LARS2: variants seen among roughly 807,000 people sequenced by gnomAD.
The protein encoded by LARS2 is leucyl-tRNA synthetase 2, mitochondrial.
In LARS2, 81 loss-of-function variants were observed where a neutral mutation model predicts 116.6. The observed-to-expected ratio is 0.69, with a 90% confidence interval of 0.58 to 0.84. The LOEUF is 0.84. Among genes scored for constraint, LARS2 ranks in the 40% least tolerant of loss-of-function variants. LARS2 has a pLI of 0.00. For missense variants in LARS2, 968 were observed against 1,114.5 expected, an observed-to-expected ratio of 0.87 and a Z score of 1.87; for synonymous variants, 396 against 407.2, an observed-to-expected ratio of 0.97 and a Z score of 0.33.
intron 18 of LARS2, 71 bp from the exon 19 acceptor site, chr3:45,520,146 TGA>T: frequency 1.9e-6 from 2 of 1,048,582 alleles, no homozygotes; most frequent in Non-Finnish European, 3.0e-6. Context: ...TTTTTTGTTT[TGA>T]TAATTCAGTC....
intron 4 of LARS2, among the ~76,000 whole-genome samples, chr3:45,416,043 T>C (rs181037682): frequency 1.6e-4 from 24 of 152,046 alleles, no homozygotes; most frequent in Admixed American, 6.5e-4. Context: ...GTATTTTTCT[T>C]AGTTTTCATC....
chr3:45,500,298 G>A (rs1048491406), intron 14 of LARS2, 144 bp from the exon 15 acceptor site: 13 of 850,230 alleles, frequency 1.5e-5, no homozygotes, highest in East Asian at 6.4e-5. Context: ...CACCGCGCCC[G>A]GCCTTCTCTT....
intron 1 of LARS2, among the ~76,000 whole-genome samples, chr3:45,390,135 T>A (rs1697914272): frequency 6.6e-6 from 1 of 152,174 alleles, no homozygotes; most frequent in African/African-American, 2.4e-5. Flanking sequence ...AGCAGTTGTT[T>A]AAAAAATGCA....
intron 7 of LARS2, among the ~76,000 whole-genome samples, chr3:45,452,746 G>C (rs1422846253): frequency 6.6e-6 from 1 of 152,160 alleles, no homozygotes; most frequent in East Asian, 1.9e-4. Flanking sequence ...AGTTTGAGAA[G>C]AATGGGTATT....
In LARS2 at chr3:45,524,032, G is replaced by T; in HGVS notation, c.2328G>T (p.Glu776Asp). Residue 776 changes from glutamate to aspartate, a missense_variant, in exon 20 of 22, where the codon GAG becomes GAT. Glu to Asp is a conservative substitution (Grantham distance 45, BLOSUM62 2). Transcript: ENST00000645846. ...AGAGCGTCATTCTCCACAGCCCCGA[G>T]TTTGAGGATGCTTTGTGTGCCCTGA... ...ASQSVILHSP[E>D]FEDALCALMV... 6.2e-7 allele frequency: 1 copy of T among 1,614,002 alleles called. No individual in the cohort carries two copies. The highest frequency in any genetic ancestry group is 1.1e-5 in the South Asian group (1 of 91,080).
chr3:45,545,326 AG>A (rs1420864073), intron 21 of LARS2, among the ~76,000 whole-genome samples: 2 of 152,226 alleles, frequency 1.3e-5, no homozygotes, highest in African/African-American at 4.8e-5. Context: ...CCTGTCCGGC[AG>A]GTGTCAGAAA....
chr3:45,492,677 C>T (rs1699943121), intron 13 of LARS2, among the ~76,000 whole-genome samples: 1 of 152,190 alleles, frequency 6.6e-6, no homozygotes, highest in South Asian at 2.1e-4. Flanking sequence ...TGAAATCCCT[C>T]ATCAGGAACA....
At chr3:45,546,669 G>C (rs374818577) in intron 21 of LARS2, among the ~76,000 whole-genome samples, 4 of 131,772 alleles carry the variant, frequency 3.0e-5, no homozygotes, top group Non-Finnish European at 6.7e-5. Flanking sequence ...TGAGGATTTG[G>C]AAGCATGACT....
At chr3:45,543,862 C>G (rs1700834895) in intron 21 of LARS2, among the ~76,000 whole-genome samples, 1 of 152,182 alleles carries the variant, frequency 6.6e-6, no homozygotes, top group Admixed American at 6.5e-5. Flanking sequence ...GAAATGCTAA[C>G]TTAAGAAAAA....
chr3:45,455,728 A>T (rs1161861371), intron 7 of LARS2, among the ~76,000 whole-genome samples: 1 of 152,124 alleles, frequency 6.6e-6, no homozygotes, highest in Non-Finnish European at 1.5e-5. Context: ...AGTAGCCAAG[A>T]TATGGAATCA....
intron 8 of LARS2, among the ~76,000 whole-genome samples, chr3:45,463,390 TTA>T (rs1699367610): frequency 6.6e-6 from 1 of 152,188 alleles, no homozygotes; most frequent in Non-Finnish European, 1.5e-5. Flanking sequence ...AAATTGGTGG[TTA>T]TGTTTTCAGG....
intron 15 of LARS2, among the ~76,000 whole-genome samples, chr3:45,511,639 TAGTC>T (rs1160797438): frequency 6.6e-6 from 1 of 152,032 alleles, no homozygotes; most frequent in Non-Finnish European, 1.5e-5. Context: ...CAGCTGGGGT[TAGTC>T]AGTTTTTCGC....
At chr3:45,528,331 T>C (rs751474237) in intron 20 of LARS2, among the ~76,000 whole-genome samples, 1 of 152,216 alleles carries the variant, frequency 6.6e-6, no homozygotes, top group Non-Finnish European at 1.5e-5. Flanking sequence ...AGCAAGAGCC[T>C]GTCTCACAAA....
At chr3:45,458,701 G>C (rs1340318333) in intron 7 of LARS2, 42 bp from the exon 8 acceptor site, 1 of 1,600,334 alleles carries the variant, frequency 6.2e-7, no homozygotes, top group Non-Finnish European at 8.5e-7. Context: ...AAAAAAAAGA[G>C]TACTCACCAG....
rs140589843 is a variant in LARS2 at position 45,400,266 on chromosome 3, G to A, written c.256G>A (p.Val86Met). 12 of 1,612,138 alleles carry A rather than the reference G, an allele frequency of 7.4e-6. No homozygotes were observed. The highest frequency in any genetic ancestry group is 5.0e-5 in the Admixed American group (3 of 59,496). ...CTAGAAATCGAAGCCAAAATTTTAC[G>A]TGCTTTCCATGTTCCCTTATCCTTC... ...EADKSKPKFY[V>M]LSMFPYPSGK... Residue 86 changes from valine (V) to methionine (M), a missense_variant, in exon 4 of 22, where the codon GTG (valine) becomes ATG (methionine). By Grantham distance (21) the Val-to-Met change is conservative (BLOSUM62 1). Coordinates refer to ENST00000645846, the MANE Select transcript of LARS2 (RefSeq NM_015340.4).
chr3:45,469,942 C>G (rs1699493098), intron 8 of LARS2, among the ~76,000 whole-genome samples: 1 of 152,094 alleles, frequency 6.6e-6, no homozygotes, highest in Non-Finnish European at 1.5e-5. Flanking sequence ...AAGTGTCAAG[C>G]TTTTAAAAAG....
At chr3:45,511,519 T>A (rs1249201537) in intron 15 of LARS2, among the ~76,000 whole-genome samples, 2 of 152,154 alleles carry the variant, frequency 1.3e-5, no homozygotes, top group African/African-American at 4.8e-5. Flanking sequence ...AGATTCATCA[T>A]TATACCGCTA....
intron 7 of LARS2, among the ~76,000 whole-genome samples, chr3:45,452,406 G>A (rs1699149049): frequency 6.6e-6 from 1 of 151,682 alleles, no homozygotes; most frequent in East Asian, 1.9e-4. Context: ...TATCATGAAG[G>A]ATGTTGAATT....
At chr3:45,413,713 A>C (rs1259989337) in intron 4 of LARS2, among the ~76,000 whole-genome samples, 2 of 152,252 alleles carry the variant, frequency 1.3e-5, no homozygotes, top group African/African-American at 4.8e-5. Flanking sequence ...CAACTTAAAA[A>C]ATATTAATGT....
Sources: allele counts gnomAD v4.1 joint callset (sites outside exome capture counted in the v4.1 genomes callset), GRCh38; gene constraint gnomAD v4.1.1; transcripts MANE v1.5; gene names NCBI Gene and HGNC (gene_info 2026-07-23, HGNC 2026-07-21).